The following TUSC3 variants were observed in gnomAD, a reference collection of about 807,000 sequenced individuals.
TUSC3 encodes tumor suppressor candidate 3.
In TUSC3, 45 loss-of-function variants were observed where a neutral mutation model predicts 44.8. That is an observed-to-expected ratio of 1.00 (90% CI 0.79 to 1.29). The LOEUF (loss-of-function observed/expected upper bound fraction) is 1.29. Ranked by LOEUF, TUSC3 falls within the 50% of genes most tolerant of loss-of-function variation. The pLI, the probability that TUSC3 is intolerant of heterozygous loss-of-function variation, is 0.00. For missense variants in TUSC3, 519 were observed against 437.9 expected, an observed-to-expected ratio of 1.19 and a Z score of -1.65; for synonymous variants, 212 against 152.9, an observed-to-expected ratio of 1.39 and a Z score of -2.85.
intron 4 of TUSC3, 55 bp from the exon 5 acceptor site, chr8:15,662,101 A>G: frequency 6.2e-7 from 1 of 1,603,014 alleles, no homozygotes; most frequent in Non-Finnish European, 8.5e-7. Flanking sequence ...GAATATGATC[A>G]AAAGAAAAAT....
intron 5 of TUSC3, among the ~76,000 whole-genome samples, chr8:15,664,317 A>G (rs1341265813): frequency 6.6e-6 from 1 of 151,652 alleles, no homozygotes; most frequent in Non-Finnish European, 1.5e-5. Context: ...GATTCAACCC[A>G]GTAGATACAG....
chr8:15,522,732 T>G (rs1378921406), intron 2 of TUSC3, among the ~76,000 whole-genome samples: 1 of 152,072 alleles, frequency 6.6e-6, no homozygotes, highest in Non-Finnish European at 1.5e-5. Flanking sequence ...CATCATCTTG[T>G]GAAGCTCTGG....
chr8:15,690,716 A>G (rs1808861097), intron 6 of TUSC3, among the ~76,000 whole-genome samples: 1 of 152,126 alleles, frequency 6.6e-6, no homozygotes, highest in Non-Finnish European at 1.5e-5. Context: ...TCATCTGCAT[A>G]TGGCTAGCAA....
chr8:15,836,262 G>T, the TUSC3 span, among the ~76,000 whole-genome samples: 1 of 151,584 alleles, frequency 6.6e-6, no homozygotes, highest in South Asian at 2.1e-4. Context: ...GAATGCTTGA[G>T]GTCAGGAGTT....
intron 6 of TUSC3, among the ~76,000 whole-genome samples, chr8:15,698,772 A>C (rs1270644954): frequency 2.6e-5 from 4 of 152,136 alleles, no homozygotes; most frequent in Non-Finnish European, 4.4e-5. Context: ...TATAAATAGA[A>C]ATCATTATTT....
intron 6 of TUSC3, among the ~76,000 whole-genome samples, chr8:15,703,785 C>G (rs142753810): frequency 1.2e-4 from 18 of 152,198 alleles, no homozygotes; most frequent in African/African-American, 4.1e-4. Flanking sequence ...CCCCCATGAT[C>G]CAAACTCCTC....
chr8:15,730,165 G>A (rs1171979479), intron 6 of TUSC3, among the ~76,000 whole-genome samples: 3 of 152,000 alleles, frequency 2.0e-5, no homozygotes, highest in African/African-American at 4.8e-5. Context: ...ATACTACTCA[G>A]TAGGGTGAAA....
At chr8:15,700,719 G>C (rs1055485951) in intron 6 of TUSC3, among the ~76,000 whole-genome samples, 1 of 152,056 alleles carries the variant, frequency 6.6e-6, no homozygotes, top group Non-Finnish European at 1.5e-5. Context: ...GGAATGATTT[G>C]AAGAAAGAGT....
chr8:15,504,410 C>G (rs1287785644), intron 2 of TUSC3, among the ~76,000 whole-genome samples: 1 of 151,004 alleles, frequency 6.6e-6, no homozygotes, highest in Non-Finnish European at 1.5e-5. Context: ...GCGTAAACAC[C>G]CAACAAGGGA....
intron 1 of TUSC3, among the ~76,000 whole-genome samples, chr8:15,429,014 C>A (rs56119281): frequency 3.2e-3 from 488 of 152,208 alleles, no homozygotes; most frequent in Non-Finnish European, 3.4e-3. Flanking sequence ...GTTGCCATTG[C>A]TTTGGTGTTG....
chr8:15,817,568 A>G, the TUSC3 span, among the ~76,000 whole-genome samples: 1 of 152,012 alleles, frequency 6.6e-6, no homozygotes, highest in Non-Finnish European at 1.5e-5. Context: ...GTGAGTTCTC[A>G]TGAGATCTGA....
chr8:15,718,328 G>A (rs187803999), intron 6 of TUSC3, among the ~76,000 whole-genome samples: 7 of 152,242 alleles, frequency 4.6e-5, no homozygotes, highest in African/African-American at 1.4e-4. Context: ...TAGAGGTGCC[G>A]AAGTTGAAGC....
the TUSC3 span, among the ~76,000 whole-genome samples, chr8:15,817,960 C>T: frequency 0.35 from 52,775 of 151,916 alleles, 10,258 homozygotes; most frequent in African/African-American, 0.51. Context: ...TGACTTATAC[C>T]GGTGACTCTA....
At chr8:15,621,070 C>G (rs902266668) in intron 1 of TUSC3, among the ~76,000 whole-genome samples, 1 of 151,960 alleles carries the variant, frequency 6.6e-6, no homozygotes. Context: ...AAGTAACTTT[C>G]TTAGACCAGT....
At chr8:15,425,888 T>C (rs1161988576) in intron 1 of TUSC3, among the ~76,000 whole-genome samples, 10 of 152,156 alleles carry the variant, frequency 6.6e-5, no homozygotes, top group Non-Finnish European at 1.5e-4. Context: ...TGGTAGCTCA[T>C]GCCTATAATC....
chr8:15,560,363 T>C (rs62504189), intron 1 of TUSC3, among the ~76,000 whole-genome samples: 32,042 of 117,078 alleles, frequency 0.27, 6,380 homozygotes, highest in Non-Finnish European at 0.33. Flanking sequence ...GGGTTTCTGC[T>C]GAGAGATCCG....
At chr8:15,495,591 G>A (rs779216979) in intron 2 of TUSC3, among the ~76,000 whole-genome samples, 9 of 152,080 alleles carry the variant, frequency 5.9e-5, no homozygotes, top group Non-Finnish European at 1.0e-4. Context: ...AAATGTTTGT[G>A]TATTCCCCTC....
the TUSC3 span, among the ~76,000 whole-genome samples, chr8:15,835,731 A>G: frequency 6.6e-6 from 1 of 152,104 alleles, no homozygotes; most frequent in South Asian, 2.1e-4. Context: ...TTCAGTGTGT[A>G]TGGGGGATGT....
intron 2 of TUSC3, among the ~76,000 whole-genome samples, chr8:15,643,694 T>C (rs532265362): frequency 1.9e-4 from 29 of 152,326 alleles, no homozygotes; most frequent in Non-Finnish European, 8.8e-5. Context: ...TGTTGATTTC[T>C]CAGCTCTTCA....
Sources: gnomAD v4.1 joint callset for allele counts (sites outside exome capture counted in the v4.1 genomes callset) on GRCh38, gnomAD v4.1.1 for gene constraint, MANE v1.5 for transcripts, NCBI Gene and HGNC (gene_info 2026-07-23, HGNC 2026-07-21) for gene names.